FMNL2: variants seen among roughly 807,000 people sequenced by gnomAD.
FMNL2 encodes the protein formin-like protein 2.
In FMNL2, 51 loss-of-function variants were observed where a neutral mutation model predicts 130.2. The ratio of observed to expected loss-of-function variants is 0.39; its 90% confidence interval spans 0.31 to 0.49. The LOEUF is 0.49. Among genes scored for constraint, FMNL2 ranks in the 20% least tolerant of loss-of-function variants. The pLI is 0.85. For synonymous variants in FMNL2, 465 were observed against 467.1 expected (o/e 1.00, Z 0.06); for missense variants, 977 against 1,316.2 (o/e 0.74, Z 3.99).
rs754658794 is a variant in FMNL2 at position 152,631,989 on chromosome 2, C to T, written c.2551-19C>T. The T allele has an allele frequency of 5.0e-6, 8 of 1,606,374 alleles. No homozygotes were observed. The highest frequency in any genetic ancestry group is 2.7e-5 in the African/African-American group (2 of 74,626). On this transcript the variant is annotated intron_variant, in intron 20 of 25. Transcript: ENST00000288670. ...ACCCTTTACTCTTGTACCTAACCCA[C>T]GTTCCCTTTTGTTTTCAGCTCTTAG...
intron 1 of FMNL2, among the ~76,000 whole-genome samples, chr2:152,447,834 C>T (rs562438188): frequency 6.6e-6 from 1 of 152,128 alleles, no homozygotes; most frequent in Non-Finnish European, 1.5e-5. Context: ...ATTTGTTCTT[C>T]CTTGTGTGTA....
intron 1 of FMNL2, among the ~76,000 whole-genome samples, chr2:152,347,100 AAAT>A (rs1248793494): frequency 6.6e-6 from 1 of 151,620 alleles, no homozygotes; most frequent in African/African-American, 2.4e-5. Context: ...CAAAAAAAAA[AAAT>A]TTTTTTTTCA....
intron 1 of FMNL2, among the ~76,000 whole-genome samples, chr2:152,428,079 C>T (rs1687289852): frequency 6.6e-6 from 1 of 152,216 alleles, no homozygotes; most frequent in African/African-American, 2.4e-5. Flanking sequence ...TTGTAAAAGG[C>T]AACACCTATT....
intron 1 of FMNL2, among the ~76,000 whole-genome samples, chr2:152,515,534 T>TC (rs1208065798): frequency 6.6e-6 from 1 of 152,200 alleles, no homozygotes; most frequent in Non-Finnish European, 1.5e-5. Context: ...TGCTAATGAC[T>TC]GTGTCTGGTT....
chr2:152,395,780 C>A (rs1194267611), intron 1 of FMNL2, among the ~76,000 whole-genome samples: 1 of 151,536 alleles, frequency 6.6e-6, no homozygotes. Context: ...ACAGTTTGTT[C>A]TTTGGATAAT....
At chr2:152,602,446 A>G (rs774883529) in intron 9 of FMNL2, among the ~76,000 whole-genome samples, 1 of 152,192 alleles carries the variant, frequency 6.6e-6, no homozygotes, top group South Asian at 2.1e-4. Flanking sequence ...AATTCCTGAT[A>G]GGGCAGTCCA....
chr2:152,500,630 C>T (rs1436217289), intron 1 of FMNL2, among the ~76,000 whole-genome samples: 1 of 152,160 alleles, frequency 6.6e-6, no homozygotes, highest in Admixed American at 6.5e-5. Flanking sequence ...GGTGGATCAC[C>T]TGAGGTCAGG....
In FMNL2 at chr2:152,518,964, A is replaced by G. The variant is rs538162312; in HGVS notation, c.118-2979A>G. Among the ~76,000 whole-genome samples, 16 of 152,348 alleles carry G rather than the reference A, an allele frequency of 1.1e-4. No homozygotes were observed. The South Asian group carries it at 3.3e-3, about 32-fold the overall frequency. ...TTGACCCTGGTCTGCATGTCTAGGCATGATATGGCTTTGACTCACATTTCC... is the reference window on the plus strand; with the variant it reads ...TTGACCCTGGTCTGCATGTCTAGGCGTGATATGGCTTTGACTCACATTTCC... On this transcript the variant is annotated intron_variant, in intron 1 of 25. Transcript: ENST00000288670.
intron 1 of FMNL2, among the ~76,000 whole-genome samples, chr2:152,378,216 T>C (rs1199818428): frequency 6.6e-6 from 1 of 152,180 alleles, no homozygotes; most frequent in Non-Finnish European, 1.5e-5. Context: ...GGGACTGCCT[T>C]GCTTTGAGGT....
intron 9 of FMNL2, among the ~76,000 whole-genome samples, chr2:152,593,355 A>G (rs1039606070): frequency 5.5e-5 from 8 of 146,716 alleles, no homozygotes; most frequent in African/African-American, 1.6e-4. Flanking sequence ...AGAAAATGCT[A>G]TATATATATA....
chr2:152,368,467 GT>G (rs147652733), intron 1 of FMNL2, among the ~76,000 whole-genome samples: 7,090 of 149,444 alleles, frequency 0.047, 268 homozygotes, highest in African/African-American at 0.098. Flanking sequence ...TATTTTAAAA[GT>G]TTTTTTTTTT....
intron 9 of FMNL2, among the ~76,000 whole-genome samples, chr2:152,603,966 C>T (rs1353778098): frequency 6.6e-6 from 1 of 150,984 alleles, no homozygotes; most frequent in Non-Finnish European, 1.5e-5. Flanking sequence ...GGTCCAACAA[C>T]CACAAGTATT....
intron 1 of FMNL2, among the ~76,000 whole-genome samples, chr2:152,520,766 A>G (rs944941302): frequency 1.3e-5 from 2 of 152,176 alleles, no homozygotes; most frequent in African/African-American, 4.8e-5. Context: ...TTGATTTTCT[A>G]TCATTAAGTC....
At chr2:152,641,006 G>C (rs1683038370) in intron 25 of FMNL2, 92 bp downstream of exon 25, 1 of 1,545,550 alleles carries the variant, frequency 6.5e-7, no homozygotes, top group African/African-American at 1.4e-5. Flanking sequence ...CTTTTGTCCA[G>C]GGTTGTCAAG....
At chr2:152,594,535 T>C (rs1004503182) in intron 9 of FMNL2, among the ~76,000 whole-genome samples, 2 of 152,176 alleles carry the variant, frequency 1.3e-5, no homozygotes, top group Non-Finnish European at 2.9e-5. Flanking sequence ...CTGCCATGTG[T>C]CTAAGGACGT....
chr2:152,619,176 G>C lies in FMNL2; in HGVS notation c.1627+18G>C. ...TGAAACAGGTAAGAAGCCTTGGCAGGAGGACTGAGGAAGTTTTGGAATATT... is the reference window on the plus strand; with the variant it reads ...TGAAACAGGTAAGAAGCCTTGGCAGCAGGACTGAGGAAGTTTTGGAATATT... On this transcript the variant is annotated intron_variant, in intron 14 of 25. Transcript: ENST00000288670. 4 of 1,530,852 alleles carry C rather than the reference G, an allele frequency of 2.6e-6. No individual in the cohort carries two copies. The highest frequency in any genetic ancestry group is 3.5e-6 in the Non-Finnish European group (4 of 1,143,544). The allele number at this position is 1,530,852 out of a possible 1,614,324, so 94.8% of individuals were successfully genotyped here.
At chr2:152,401,711 G>A (rs141237899) in intron 1 of FMNL2, among the ~76,000 whole-genome samples, 47 of 152,118 alleles carry the variant, frequency 3.1e-4, no homozygotes, top group Non-Finnish European at 5.3e-4. Context: ...CCATTTCTTA[G>A]AGTTCTCCAG....
intron 1 of FMNL2, among the ~76,000 whole-genome samples, chr2:152,453,302 TG>T (rs1688757398): frequency 6.6e-6 from 1 of 152,136 alleles, no homozygotes; most frequent in African/African-American, 2.4e-5. Flanking sequence ...TGACCCAGTG[TG>T]ATTCACAGAC....
At chr2:152,452,463 T>C (rs182495854) in intron 1 of FMNL2, among the ~76,000 whole-genome samples, 2 of 152,268 alleles carry the variant, frequency 1.3e-5, no homozygotes, top group East Asian at 3.9e-4. Context: ...CAGAAACCAC[T>C]ACGCAGTGGG....
Sources: allele counts gnomAD v4.1 joint callset (sites outside exome capture counted in the v4.1 genomes callset), GRCh38; gene constraint gnomAD v4.1.1; transcripts MANE v1.5; gene names NCBI Gene and HGNC (gene_info 2026-07-23, HGNC 2026-07-21).